NACC2: variants seen among roughly 807,000 people sequenced by gnomAD.
The protein encoded by NACC2 is NACC family member 2, also known as nucleus accumbens-associated protein 2.
A neutral mutation model predicts 25.1 loss-of-function variants in NACC2; 8 were observed. The ratio of observed to expected loss-of-function variants is 0.32; its 90% CI spans 0.19 to 0.57. NACC2 has a LOEUF of 0.57. Ranked by LOEUF, NACC2 falls within the 20% of genes least tolerant of loss-of-function variation. NACC2 has a pLI of 0.89. For missense variants in NACC2, 644 were observed against 650.2 expected (o/e 0.99, Z 0.10); for synonymous variants, 435 against 294.7 (o/e 1.48, Z -4.88).
intron 2 of NACC2, among the ~76,000 whole-genome samples, chr9:136,049,193 C>A (rs1184576685): frequency 3.3e-5 from 5 of 152,236 alleles, no homozygotes; most frequent in African/African-American, 1.2e-4. Context: ...CCTGGCCCAT[C>A]CCTGGCGCGG....
chr9:136,077,708 G>A (rs778186223), intron 1 of NACC2, among the ~76,000 whole-genome samples: 1 of 152,232 alleles, frequency 6.6e-6, no homozygotes, highest in African/African-American at 2.4e-5. Flanking sequence ...CGGGAAATGC[G>A]AGGGGACCCC....
chr9:136,082,999 C>T (rs984976083), intron 1 of NACC2, among the ~76,000 whole-genome samples: 1 of 151,778 alleles, frequency 6.6e-6, no homozygotes, highest in Non-Finnish European at 1.5e-5. Context: ...GCTGTCATAA[C>T]TTCTGCCCCA....
At chr9:136,014,022 C>A (rs1035895270) in intron 3 of NACC2, 53 bp from the exon 4 acceptor site, 21 of 1,228,242 alleles carry the variant, frequency 1.7e-5, no homozygotes, top group Non-Finnish European at 2.2e-5. Context: ...CCATAGGGTC[C>A]GAAGAGGCGC....
At position 136,013,948 on chromosome 9, in the gene NACC2, C is replaced by T. The variant is rs1222021592; in HGVS notation, c.1073G>A (p.Arg358His). Residue 358 changes from arginine (R) to histidine (H), a missense_variant, in exon 4 of 6, where the codon CGC (arginine) becomes CAC (histidine). Arg to His is a conservative substitution (Grantham distance 29, BLOSUM62 0). Transcript: ENST00000277554. The surrounding 1 kb of genome is among the most constrained non-coding windows in gnomAD (Gnocchi z 6.6). ...CAGGTGGCAGTTCATCAGCTGGCCG[C>T]GTGTGATGTAGACCCCAGAGCCTGC... ...LVAGSGVYITRGQLMNCHLCA... is the reference protein window; with the variant it reads ...LVAGSGVYITHGQLMNCHLCA... The T allele has an allele frequency of 4.4e-6, 7 of 1,607,416 alleles. No homozygotes were observed. Among genetic ancestry groups the T allele is most frequent in the African/African-American group, 4.0e-5 (3 of 74,510 alleles).
At chr9:136,057,772 C>G (rs1259145161) in intron 1 of NACC2, among the ~76,000 whole-genome samples, 1 of 152,200 alleles carries the variant, frequency 6.6e-6, no homozygotes, top group East Asian at 1.9e-4. Context: ...TCGCTCACCC[C>G]CTCTCTTGAT....
At position 136,059,498 on chromosome 9, in the gene NACC2, C is replaced by T. The variant is rs550058433; in HGVS notation, c.-59-8918G>A. ...CTGAACTCTGGCTGGGAAACCCCAC[C>T]CGGGCCGCCTCCTTGGGTGTGTGGT... On this transcript the variant is annotated intron_variant, in intron 1 of 5. Transcript: ENST00000277554. Among the ~76,000 whole-genome samples the T allele has an allele frequency of 5.1e-4, 77 of 152,352 alleles. 1 individual carries two copies. Among genetic ancestry groups the T allele is most frequent in the African/African-American group, 1.9e-3 (77 of 41,580 alleles).
At chr9:136,080,095 C>T (rs893773563) in intron 1 of NACC2, among the ~76,000 whole-genome samples, 5 of 152,182 alleles carry the variant, frequency 3.3e-5, no homozygotes, top group Non-Finnish European at 5.9e-5. Context: ...GTCCCTACCC[C>T]GGGCGTGGCT....
At chr9:136,083,010 T>C (rs747477091) in intron 1 of NACC2, among the ~76,000 whole-genome samples, 1 of 151,200 alleles carries the variant, frequency 6.6e-6, no homozygotes, top group Non-Finnish European at 1.5e-5. Flanking sequence ...TTCTGCCCCA[T>C]TAGACATCTA....
Position 136,050,399 on chromosome 9 carries a change from G to A in NACC2, c.123C>T (p.Phe41=). The A allele has an allele frequency of 2.6e-6, 2 of 760,946 alleles. No homozygotes were observed. Among genetic ancestry groups the A allele is most frequent in the Non-Finnish European group, 2.4e-6 (1 of 414,476 alleles). The allele number at this position is 760,946 out of a possible 1,614,324, so 47.1% of individuals were successfully genotyped here. Residue 41 remains phenylalanine, a synonymous_variant, in exon 2 of 6, where the codon TTC becomes TTT. Transcript: ENST00000277554. The part of the protein sequence containing the change: ...DVSIVVKGQA[F]KAHRAVLAAS... ...CGGCCAGCACCGCCCGGTGGGCCTTGAAGGCCTGGCCCTTGACCACGATGG... is the reference window on the plus strand; with the variant it reads ...CGGCCAGCACCGCCCGGTGGGCCTTAAAGGCCTGGCCCTTGACCACGATGG...
At chr9:136,065,395 A>G (rs140800141) in intron 1 of NACC2, among the ~76,000 whole-genome samples, 2,784 of 152,246 alleles carry the variant, frequency 0.018, 79 homozygotes, top group African/African-American at 0.063. Context: ...CGAGGCGGGC[A>G]GATCACTTGA....
At chr9:136,053,739 C>T (rs1215206802) in intron 1 of NACC2, among the ~76,000 whole-genome samples, 1 of 152,226 alleles carries the variant, frequency 6.6e-6, no homozygotes, top group Non-Finnish European at 1.5e-5. Flanking sequence ...CTGTTGTGGG[C>T]AACTTCGCCC....
At chr9:136,056,554 C>T (rs1187157966) in intron 1 of NACC2, among the ~76,000 whole-genome samples, 3 of 152,188 alleles carry the variant, frequency 2.0e-5, no homozygotes, top group Admixed American at 1.3e-4. Flanking sequence ...CGGGTAGCTA[C>T]GACCCTGACC....
At chr9:136,036,461 A>C (rs1350067632) in intron 2 of NACC2, among the ~76,000 whole-genome samples, 1 of 152,254 alleles carries the variant, frequency 6.6e-6, no homozygotes, top group African/African-American at 2.4e-5. Flanking sequence ...TAGCTGATAC[A>C]GGTTATTTTA....
At chr9:136,049,457 C>T (rs1455466808) in intron 2 of NACC2, among the ~76,000 whole-genome samples, 179 bp downstream of exon 2, 2 of 152,196 alleles carry the variant, frequency 1.3e-5, no homozygotes, top group African/African-American at 4.8e-5. Context: ...GTTCTTGTCT[C>T]ATCCAGGACC....
Position 136,020,613 on chromosome 9 carries a change from A to C in NACC2, c.887-4184T>G, listed in dbSNP as rs961786075. 2.0e-5 allele frequency among the ~76,000 whole-genome samples: 3 copies of C among 152,228 alleles called. No homozygotes were observed. The highest frequency in any genetic ancestry group is 2.0e-4 in the Admixed American group (3 of 15,290). Reference sequence around the variant, plus strand: ...CCATTTGTTAAAATGCACCACAAGAAAATGAGCCCCTAGTCCTTGATGATA... The same window carrying C: ...CCATTTGTTAAAATGCACCACAAGACAATGAGCCCCTAGTCCTTGATGATA... On this transcript the variant is annotated intron_variant, in intron 2 of 5. Transcript: ENST00000277554. This position sits in a 1 kb window ranked among gnomAD's most constrained non-coding sequence, Gnocchi z 4.7.
intron 2 of NACC2, among the ~76,000 whole-genome samples, chr9:136,045,282 A>G (rs1840703334): frequency 9.6e-6 from 1 of 104,604 alleles, no homozygotes; most frequent in Non-Finnish European, 2.1e-5. Flanking sequence ...GGAAGCGGAC[A>G]TGCACAGGGC....
intron 3 of NACC2, 80 bp from the exon 4 acceptor site, chr9:136,014,049 G>A (rs994674274): frequency 7.8e-6 from 5 of 641,728 alleles, no homozygotes; most frequent in Admixed American, 6.3e-5. Flanking sequence ...GGGTGAGGGG[G>A]AGGGGGGGAG....
intron 1 of NACC2, among the ~76,000 whole-genome samples, chr9:136,076,639 T>C (rs1830265471): frequency 6.6e-6 from 1 of 152,190 alleles, no homozygotes; most frequent in African/African-American, 2.4e-5. Flanking sequence ...GGGAATGTTC[T>C]TACTGCCACT....
chr9:136,068,919 C>CT (rs35009638), intron 1 of NACC2, among the ~76,000 whole-genome samples: 35,287 of 144,608 alleles, frequency 0.24, 4,473 homozygotes, highest in East Asian at 0.41. Context: ...TGAAAGAATA[C>CT]TTTTTTTTTT....
Sources: gnomAD v4.1 joint callset for allele counts (sites outside exome capture counted in the v4.1 genomes callset) on GRCh38, gnomAD v4.1.1 for gene constraint, Gnocchi (gnomAD v3.1) non-coding constraint, MANE v1.5 for transcripts, NCBI Gene and HGNC (gene_info 2026-07-23, HGNC 2026-07-21) for gene names.